The following DLC1 variants were observed in gnomAD, a reference collection of about 807,000 sequenced individuals.
DLC1 encodes the protein rho GTPase-activating protein 7.
A neutral mutation model predicts 140.3 loss-of-function variants in DLC1; 54 were observed. The observed-to-expected ratio is 0.38, with a 90% CI of 0.31 to 0.48. The LOEUF is 0.48. Ranked by LOEUF, DLC1 falls within the 20% of genes least tolerant of loss-of-function variation. DLC1 has a pLI of 0.96. For missense variants in DLC1, 2,536 were observed against 1,907.0 expected, an observed-to-expected ratio of 1.33 and a Z score of -6.14; for synonymous variants, 986 against 728.1, an observed-to-expected ratio of 1.35 and a Z score of -5.70.
At chr8:13,569,840 G>T (rs1473006714) in intron 1 of DLC1, among the ~76,000 whole-genome samples, 1 of 152,144 alleles carries the variant, frequency 6.6e-6, no homozygotes, top group African/African-American at 2.4e-5. Flanking sequence ...TCTCACCTCA[G>T]CCTCCCCAGC....
At chr8:13,395,654 T>G (rs1837004936) in intron 3 of DLC1, among the ~76,000 whole-genome samples, 1 of 152,208 alleles carries the variant, frequency 6.6e-6, no homozygotes, top group Admixed American at 6.5e-5. Flanking sequence ...TAAAATTATG[T>G]GATCAAAAGC....
At chr8:13,150,170 C>G (rs750163218) in intron 5 of DLC1, among the ~76,000 whole-genome samples, 1 of 152,204 alleles carries the variant, frequency 6.6e-6, no homozygotes, top group Non-Finnish European at 1.5e-5. Flanking sequence ...AGAAGAAAGA[C>G]AGCACTATGG....
intron 4 of DLC1, among the ~76,000 whole-genome samples, chr8:13,331,421 C>T (rs1403225324): frequency 2.0e-5 from 3 of 152,028 alleles, no homozygotes; most frequent in Non-Finnish European, 4.4e-5. Flanking sequence ...TCAATAAAGG[C>T]AACACTCCAA....
intron 2 of DLC1, among the ~76,000 whole-genome samples, chr8:13,450,656 T>C (rs1798997008): frequency 6.6e-6 from 1 of 152,132 alleles, no homozygotes. Context: ...GATGACTTCA[T>C]ATTTTAAGAG....
chr8:13,332,660 T>C (rs905052261), intron 4 of DLC1, among the ~76,000 whole-genome samples: 2 of 152,124 alleles, frequency 1.3e-5, no homozygotes, highest in African/African-American at 4.8e-5. Flanking sequence ...CTCGAACTCC[T>C]GACCTCAAGT....
intron 4 of DLC1, among the ~76,000 whole-genome samples, chr8:13,359,174 C>T (rs565371731): frequency 3.3e-5 from 5 of 152,270 alleles, no homozygotes; most frequent in South Asian, 2.1e-4. Context: ...CTCCTGACCT[C>T]GTGATCCAGT....
intron 4 of DLC1, among the ~76,000 whole-genome samples, chr8:13,319,477 G>A (rs1156258106): frequency 8.4e-6 from 1 of 119,622 alleles, no homozygotes; most frequent in Non-Finnish European, 1.7e-5. Flanking sequence ...GGCGGGGCGG[G>A]GGGGGGGGGT....
chr8:13,566,864 C>T, intron 1 of DLC1: 1 of 1,242,282 alleles, frequency 8.0e-7, no homozygotes, highest in South Asian at 1.8e-5. Context: ...GAAGGCGTCT[C>T]CCGGAAGACG....
intron 1 of DLC1, among the ~76,000 whole-genome samples, chr8:13,571,346 C>T (rs1804646972): frequency 6.6e-6 from 1 of 152,130 alleles, no homozygotes; most frequent in Non-Finnish European, 1.5e-5. Context: ...AGAAACTCAA[C>T]CCGTTCAGCA....
intron 3 of DLC1, among the ~76,000 whole-genome samples, chr8:13,400,302 A>G (rs1055322016): frequency 6.6e-6 from 1 of 152,152 alleles, no homozygotes; most frequent in Non-Finnish European, 1.5e-5. Flanking sequence ...CTTCTTATAT[A>G]CATTTTTTCA....
chr8:13,262,968 G>GTT (rs1830524582), intron 5 of DLC1, among the ~76,000 whole-genome samples: 1 of 152,182 alleles, frequency 6.6e-6, no homozygotes, highest in African/African-American at 2.4e-5. Flanking sequence ...AGACATGATG[G>GTT]TTTGCTTATA....
intron 5 of DLC1, among the ~76,000 whole-genome samples, chr8:13,162,642 C>A (rs969829355): frequency 6.6e-6 from 1 of 152,100 alleles, no homozygotes; most frequent in East Asian, 1.9e-4. Flanking sequence ...CAGTTTTAAA[C>A]AACTGGGTTT....
chr8:13,191,831 T>C (rs563620483), intron 5 of DLC1, among the ~76,000 whole-genome samples: 2 of 152,224 alleles, frequency 1.3e-5, no homozygotes, highest in Admixed American at 1.3e-4. Context: ...GATTGGGCAG[T>C]ACTAACTCTG....
intron 2 of DLC1, among the ~76,000 whole-genome samples, chr8:13,439,420 A>C (rs969077581): frequency 6.6e-6 from 1 of 152,116 alleles, no homozygotes; most frequent in Non-Finnish European, 1.5e-5. Context: ...GTTCTTCCAC[A>C]TATTTAAGTT....
intron 5 of DLC1, among the ~76,000 whole-genome samples, chr8:13,229,495 T>C (rs967139386): frequency 6.6e-6 from 1 of 152,054 alleles, no homozygotes; most frequent in African/African-American, 2.4e-5. Context: ...CTTTTTAAGG[T>C]GATGAAAATG....
chr8:13,434,448 G>C (rs1839024735), intron 2 of DLC1, among the ~76,000 whole-genome samples: 1 of 152,086 alleles, frequency 6.6e-6, no homozygotes, highest in South Asian at 2.1e-4. Context: ...AAAACGTGCA[G>C]GCATGACAGT....
At position 13,094,607 on chromosome 8, in the gene DLC1, A is replaced by G. The variant is rs965672; in HGVS notation, c.3526+152T>C. 289,408 of 871,558 alleles carry G rather than the reference A, an allele frequency of 0.33. 52,871 individuals are homozygous for G. The highest frequency in any genetic ancestry group is 0.61 in the East Asian group (21,902 of 35,934). 54.0% of individuals were successfully genotyped at this position (871,558 alleles called of 1,614,324 possible). A position where few individuals can be genotyped will look rare whatever the true frequency, so the allele number is the denominator to read the frequency against. ...CTTGAACCTGGGAGGCAGAGGTTGC[A>G]GTGAGCCGAGGTCACGCCACTGCAC... On this transcript the variant is annotated intron_variant, in intron 12 of 17. Coordinates refer to ENST00000276297, the MANE Select transcript of DLC1 (RefSeq NM_182643.3).
In DLC1 at chr8:13,346,019, G is replaced by C. The variant is rs778077869; in HGVS notation, c.1315-40717C>G. 4.9e-4 allele frequency among the ~76,000 whole-genome samples: 74 copies of C among 152,268 alleles called. 4 individuals are homozygous for C. The highest frequency in any genetic ancestry group is 2.2e-3 in the Admixed American group (34 of 15,302). ...AGTTTTGTAAGCTACTTTGTGATTT[G>C]TAAGTTTTGCACTGTGCATTTGTCG... On this transcript the variant is annotated intron_variant, in intron 4 of 17. Coordinates refer to ENST00000276297, the MANE Select transcript of DLC1 (RefSeq NM_182643.3).
At chr8:13,258,842 CAGAG>C (rs1162153594) in intron 5 of DLC1, among the ~76,000 whole-genome samples, 2 of 152,006 alleles carry the variant, frequency 1.3e-5, no homozygotes, top group African/African-American at 4.8e-5. Flanking sequence ...AGTAAGAAAA[CAGAG>C]AGAAAATTAG....
Sources: allele counts gnomAD v4.1 joint callset (sites outside exome capture counted in the v4.1 genomes callset), GRCh38; gene constraint gnomAD v4.1.1; transcripts MANE v1.5; gene names NCBI Gene and HGNC (gene_info 2026-07-23, HGNC 2026-07-21).